Variants in SLC4A10 observed in about 807,000 individuals in gnomAD.
SLC4A10 encodes the protein sodium-driven chloride bicarbonate exchanger.
A neutral mutation model predicts 137.7 loss-of-function variants in SLC4A10; 42 were observed. That is an observed-to-expected ratio of 0.30 (90% CI 0.24 to 0.39). The LOEUF (loss-of-function observed/expected upper bound fraction) is 0.39. SLC4A10 is among the 10% of genes least tolerant of loss of function. The probability of loss-of-function intolerance (pLI) is 1.00; values close to 1 mark genes in which losing one functional copy is unlikely to be tolerated. For synonymous variants in SLC4A10, 474 were observed against 464.1 expected (o/e 1.02, Z -0.27); for missense variants, 925 against 1,355.0 (o/e 0.68, Z 4.98).
chr2:161,917,160 A>G (rs1687267118), intron 15 of SLC4A10, among the ~76,000 whole-genome samples: 1 of 152,056 alleles, frequency 6.6e-6, no homozygotes, highest in African/African-American at 2.4e-5. Context: ...ACTTACCATA[A>G]TGCTTTTGAG....
chr2:161,784,653 T>C (rs1393039073), intron 2 of SLC4A10, among the ~76,000 whole-genome samples: 1 of 151,712 alleles, frequency 6.6e-6, no homozygotes, highest in African/African-American at 2.4e-5. Context: ...GAACAACTAA[T>C]GGGTCAGAAA....
intron 3 of SLC4A10, among the ~76,000 whole-genome samples, chr2:161,824,287 C>T (rs1196434037): frequency 6.6e-6 from 1 of 151,970 alleles, no homozygotes; most frequent in Non-Finnish European, 1.5e-5. Context: ...GAAGAGAACC[C>T]CAATAGAGAA....
intron 1 of SLC4A10, among the ~76,000 whole-genome samples, chr2:161,669,817 C>T (rs1574240820): frequency 6.6e-6 from 1 of 151,958 alleles, no homozygotes; most frequent in African/African-American, 2.4e-5. Context: ...CCAATCCAGG[C>T]CTCCAATTGG....
chr2:161,757,000 G>A (rs932610218), intron 1 of SLC4A10, among the ~76,000 whole-genome samples: 5 of 152,088 alleles, frequency 3.3e-5, no homozygotes, highest in African/African-American at 9.7e-5. Context: ...GAGAAAATGA[G>A]GCAGTATGTG....
At chr2:161,764,578 TG>T (rs923832158) in intron 1 of SLC4A10, among the ~76,000 whole-genome samples, 6 of 152,194 alleles carry the variant, frequency 3.9e-5, no homozygotes, top group African/African-American at 7.2e-5. Flanking sequence ...TTTGTAAAAC[TG>T]GGAAAAACAT....
chr2:161,926,793 T>G (rs1429522382), intron 15 of SLC4A10, among the ~76,000 whole-genome samples: 83 of 148,508 alleles, frequency 5.6e-4, no homozygotes, highest in Non-Finnish European at 9.1e-4. Context: ...GTCTGTAAAG[T>G]ATTTTATTTC....
chr2:161,719,149 C>T (rs1052800325), intron 1 of SLC4A10, among the ~76,000 whole-genome samples: 2 of 151,844 alleles, frequency 1.3e-5, no homozygotes, highest in Non-Finnish European at 2.9e-5. Context: ...TGAGAACGTG[C>T]AGTGTTTGGT....
chr2:161,629,842 A>T (rs1053543858), intron 1 of SLC4A10, among the ~76,000 whole-genome samples: 3 of 151,862 alleles, frequency 2.0e-5, no homozygotes, highest in African/African-American at 7.2e-5. Flanking sequence ...AGTAATAGGC[A>T]TTTAAATGTA....
At chr2:161,972,016 C>T (rs1388686030) in intron 23 of SLC4A10, among the ~76,000 whole-genome samples, 3 of 152,206 alleles carry the variant, frequency 2.0e-5, no homozygotes, top group African/African-American at 7.2e-5. Flanking sequence ...CTTGAACATT[C>T]GTTTTCTGCT....
intron 6 of SLC4A10, among the ~76,000 whole-genome samples, chr2:161,869,502 G>A (rs1286350376): frequency 6.6e-6 from 1 of 151,454 alleles, no homozygotes; most frequent in African/African-American, 2.4e-5. Flanking sequence ...ATTCATGCTT[G>A]AATATTGGTT....
intron 3 of SLC4A10, among the ~76,000 whole-genome samples, chr2:161,833,992 G>T (rs1275561182): frequency 2.0e-5 from 3 of 152,120 alleles, no homozygotes; most frequent in African/African-American, 7.2e-5. Flanking sequence ...AAGATGAAAG[G>T]GTTAAGATTT....
chr2:161,910,595 G>A (rs1057278209), intron 15 of SLC4A10, among the ~76,000 whole-genome samples: 4 of 152,030 alleles, frequency 2.6e-5, no homozygotes, highest in African/African-American at 9.7e-5. Flanking sequence ...TAATCGATTG[G>A]GTCAAAGCAG....
intron 3 of SLC4A10, among the ~76,000 whole-genome samples, chr2:161,816,860 T>A (rs1028828409): frequency 2.0e-5 from 3 of 152,260 alleles, no homozygotes; most frequent in African/African-American, 4.8e-5. Context: ...GTGCCACATT[T>A]TCTTAATCCA....
chr2:161,674,141 G>A (rs1434409368), intron 1 of SLC4A10, among the ~76,000 whole-genome samples: 1 of 152,136 alleles, frequency 6.6e-6, no homozygotes, highest in African/African-American at 2.4e-5. Context: ...GTATTCATTT[G>A]TCAACTCCTA....
intron 2 of SLC4A10, among the ~76,000 whole-genome samples, chr2:161,802,107 T>G (rs947569734): frequency 2.0e-5 from 3 of 152,108 alleles, no homozygotes; most frequent in Non-Finnish European, 2.9e-5. Context: ...ATCAGGTACT[T>G]GAACCAATTA....
intron 19 of SLC4A10, among the ~76,000 whole-genome samples, chr2:161,956,524 CT>C (rs1695699080): frequency 6.6e-6 from 1 of 151,896 alleles, no homozygotes; most frequent in Admixed American, 6.6e-5. Context: ...AGCACCCTGT[CT>C]GTGCAAGAGG....
In SLC4A10 at chr2:161,740,528, A is replaced by T. The variant is rs552636102; in HGVS notation, c.49-30445A>T. 1.4e-4 allele frequency among the ~76,000 whole-genome samples: 21 copies of T among 152,280 alleles called. 1 individual carries two copies. The highest frequency in any genetic ancestry group is 4.4e-5 in the Non-Finnish European group (3 of 68,028). ...TAGGGGTAGCTCTAATTAATGTTTG[A>T]TAGCAAGGTATTAAATGCCCCTCAA... On this transcript the variant is annotated intron_variant, in intron 1 of 26. Coordinates refer to ENST00000446997, the MANE Select transcript of SLC4A10 (RefSeq NM_001178015.2).
chr2:161,928,668 A>AG (rs1553628488), intron 15 of SLC4A10, among the ~76,000 whole-genome samples: 5 of 148,472 alleles, frequency 3.4e-5, no homozygotes, highest in Non-Finnish European at 6.0e-5. Flanking sequence ...AAAAAAAAAA[A>AG]GTAGGAGTTT....
chr2:161,664,701 A>T (rs1177376104), intron 1 of SLC4A10, among the ~76,000 whole-genome samples: 2 of 83,190 alleles, frequency 2.4e-5, no homozygotes, highest in Non-Finnish European at 4.8e-5. Flanking sequence ...TTTAGTGGGG[A>T]TTTTTTCTCC....
Sources: allele counts gnomAD v4.1 joint callset (sites outside exome capture counted in the v4.1 genomes callset), GRCh38; gene constraint gnomAD v4.1.1; transcripts MANE v1.5; gene names NCBI Gene and HGNC (gene_info 2026-07-23, HGNC 2026-07-21).